Variants in EYS observed in about 807,000 individuals in gnomAD.
The protein encoded by EYS is protein eyes shut homolog.
In EYS, 250 loss-of-function variants were observed where a neutral mutation model predicts 282.1. The observed-to-expected ratio is 0.89, with a 90% confidence interval of 0.80 to 0.98. EYS has a LOEUF of 0.98. EYS is among the 50% of genes least tolerant of loss of function. The probability of loss-of-function intolerance (pLI) is 0.00; values close to 1 mark genes in which losing one functional copy is unlikely to be tolerated. For missense variants in EYS, 4,016 were observed against 3,709.0 expected (o/e 1.08, Z -2.15); for synonymous variants, 1,355 against 1,282.9 (o/e 1.06, Z -1.20).
chr6:64,704,593 G>A (rs1391669570), intron 22 of EYS, among the ~76,000 whole-genome samples: 7 of 147,902 alleles, frequency 4.7e-5, no homozygotes, highest in African/African-American at 1.8e-4. Context: ...GGAAGGTGAT[G>A]ACATTGTCCC....
chr6:64,730,541 C>T (rs535372542), intron 22 of EYS, among the ~76,000 whole-genome samples: 14 of 152,222 alleles, frequency 9.2e-5, no homozygotes, highest in East Asian at 7.7e-4. Context: ...TGCAGTGGCG[C>T]GATCTTGGCT....
chr6:64,434,987 C>CA (rs1347037604), intron 28 of EYS, among the ~76,000 whole-genome samples: 1 of 151,940 alleles, frequency 6.6e-6, no homozygotes, highest in African/African-American at 2.4e-5. Context: ...AAGGCTCATG[C>CA]ACTTGCTTCC....
intron 22 of EYS, among the ~76,000 whole-genome samples, chr6:64,654,203 T>C (rs1265968891): frequency 1.3e-5 from 2 of 152,210 alleles, no homozygotes; most frequent in Admixed American, 6.5e-5. Context: ...GGGAGATTAA[T>C]ATTAATAGAC....
chr6:64,786,773 C>T (rs1164427165), intron 22 of EYS, among the ~76,000 whole-genome samples: 17 of 152,116 alleles, frequency 1.1e-4, no homozygotes, highest in Admixed American at 1.1e-3. Context: ...TTATTCCTTC[C>T]CCAGGGGACC....
At chr6:65,275,419 G>A (rs1369717939) in intron 12 of EYS, among the ~76,000 whole-genome samples, 2 of 152,162 alleles carry the variant, frequency 1.3e-5, no homozygotes, top group Non-Finnish European at 2.9e-5. Flanking sequence ...GAAATTTTAT[G>A]TATGTGATTG....
chr6:65,648,350 G>GTGTA (rs1554220399), intron 1 of EYS, among the ~76,000 whole-genome samples: 6 of 146,878 alleles, frequency 4.1e-5, no homozygotes, highest in Non-Finnish European at 9.0e-5. Flanking sequence ...GTGTGTGTGT[G>GTGTA]TATACCATAG....
At chr6:65,321,648 G>A (rs551405840) in intron 11 of EYS, among the ~76,000 whole-genome samples, 15 of 152,310 alleles carry the variant, frequency 9.8e-5, no homozygotes, top group African/African-American at 3.6e-4. Context: ...CAGTCATGAA[G>A]GCTATAACCA....
At chr6:64,688,708 G>C (rs1473658089) in intron 22 of EYS, among the ~76,000 whole-genome samples, 1 of 152,176 alleles carries the variant, frequency 6.6e-6, no homozygotes, top group South Asian at 2.1e-4. Flanking sequence ...CTGTTGATTT[G>C]GGGTGGAGAG....
intron 26 of EYS, among the ~76,000 whole-genome samples, chr6:64,472,156 C>A (rs1208050585): frequency 2.0e-5 from 3 of 152,150 alleles, no homozygotes; most frequent in African/African-American, 7.2e-5. Flanking sequence ...AATTAAAATA[C>A]AAGTCAAATA....
chr6:64,974,246 A>G (rs946748084), intron 14 of EYS, among the ~76,000 whole-genome samples: 1 of 151,938 alleles, frequency 6.6e-6, no homozygotes, highest in Non-Finnish European at 1.5e-5. Flanking sequence ...AAATAAAGAA[A>G]AGTATGAAAG....
intron 1 of EYS, among the ~76,000 whole-genome samples, chr6:65,644,078 C>T (rs1767374372): frequency 6.6e-6 from 1 of 152,080 alleles, no homozygotes. Context: ...GATGAAATCT[C>T]TGAATTGCCA....
chr6:63,987,586 C>T (rs1364925886), intron 34 of EYS, among the ~76,000 whole-genome samples: 1 of 151,662 alleles, frequency 6.6e-6, no homozygotes, highest in Non-Finnish European at 1.5e-5. Context: ...TAAGACACTG[C>T]TCTTCAGGGC....
chr6:65,631,572 A>G (rs1479314030), intron 2 of EYS, among the ~76,000 whole-genome samples: 1 of 152,116 alleles, frequency 6.6e-6, no homozygotes, highest in African/African-American at 2.4e-5. Flanking sequence ...TTTCTCTACA[A>G]CTTCATTATG....
At position 64,241,615 on chromosome 6, in the gene EYS, CA is replaced by C. The variant is rs377418253; in HGVS notation, c.6192-10792del. Among the ~76,000 whole-genome samples the C allele has an allele frequency of 8.2e-4, 124 of 150,526 alleles. 3 individuals are homozygous for C. The East Asian group carries it at 0.022, about 27-fold the overall frequency. On this transcript the variant is annotated intron_variant, in intron 30 of 42. Coordinates refer to ENST00000503581, the MANE Select transcript of EYS (RefSeq NM_001142800.2). The stretch of plus-strand genomic sequence containing the variant: ...TATCTATCTATTTTGTTGATCTTTT[CA>C]AAAAAAACAGCTCCTGGATTCATTG...
At chr6:64,673,272 A>G (rs1223959763) in intron 22 of EYS, among the ~76,000 whole-genome samples, 3 of 152,106 alleles carry the variant, frequency 2.0e-5, no homozygotes, top group Non-Finnish European at 4.4e-5. Context: ...AAGCGACTGT[A>G]ACAATTATTT....
At chr6:63,909,631 A>C (rs967573620) in intron 35 of EYS, among the ~76,000 whole-genome samples, 3 of 152,250 alleles carry the variant, frequency 2.0e-5, no homozygotes, top group African/African-American at 7.2e-5. Flanking sequence ...CAAATGCTAC[A>C]AATCAGATAC....
chr6:65,312,450 A>G (rs7454569), intron 11 of EYS, among the ~76,000 whole-genome samples: 151,282 of 152,172 alleles, frequency 0.99, 75,201 homozygotes, highest in East Asian at 1. Context: ...CCATGGCCCC[A>G]TGCCTAATTT....
chr6:65,686,775 G>A (rs1166747195), intron 1 of EYS, among the ~76,000 whole-genome samples: 3 of 151,996 alleles, frequency 2.0e-5, no homozygotes, highest in Admixed American at 6.6e-5. Flanking sequence ...ACATAAACAG[G>A]ACCAATGCAA....
At chr6:63,907,001 C>T (rs72872860) in intron 35 of EYS, among the ~76,000 whole-genome samples, 7,896 of 151,964 alleles carry the variant, frequency 0.052, 226 homozygotes, top group African/African-American at 0.071. Context: ...GTGTGTTTAT[C>T]CTTACTACTT....
Sources: allele counts gnomAD v4.1 joint callset (sites outside exome capture counted in the v4.1 genomes callset), GRCh38; gene constraint gnomAD v4.1.1; transcripts MANE v1.5; gene names NCBI Gene and HGNC (gene_info 2026-07-23, HGNC 2026-07-21).